Variants in CSMD1 observed in about 807,000 individuals in gnomAD.
CSMD1 encodes the protein CUB and sushi domain-containing protein 1.
In CSMD1, 213 loss-of-function variants were observed where a neutral mutation model predicts 417.5. That is an observed-to-expected ratio of 0.51 (90% CI 0.46 to 0.57). The LOEUF (loss-of-function observed/expected upper bound fraction) is 0.57, where lower values mean the gene tolerates loss of function less well. Among genes scored for constraint, CSMD1 ranks in the 20% least tolerant of loss-of-function variants. CSMD1 has a pLI of 0.00. For missense variants in CSMD1, 6,923 were observed against 4,529.7 expected, an observed-to-expected ratio of 1.53 and a Z score of -15.17; for synonymous variants, 2,862 against 1,736.8, an observed-to-expected ratio of 1.65 and a Z score of -16.11.
chr8:4,046,028 T>A (rs377065384), intron 3 of CSMD1, among the ~76,000 whole-genome samples: 1 of 152,142 alleles, frequency 6.6e-6, no homozygotes, highest in African/African-American at 2.4e-5. Context: ...AAATATAAAA[T>A]TTAGGACTCA....
At chr8:3,212,838 T>TA (rs1411090352) in intron 30 of CSMD1, among the ~76,000 whole-genome samples, 1 of 150,662 alleles carries the variant, frequency 6.6e-6, no homozygotes, top group African/African-American at 2.4e-5. Flanking sequence ...ATACTTTTTT[T>TA]TTTTTTTTGA....
intron 11 of CSMD1, among the ~76,000 whole-genome samples, chr8:3,470,429 A>T (rs182177514): frequency 1.3e-5 from 2 of 152,326 alleles, no homozygotes; most frequent in Admixed American, 6.5e-5. Flanking sequence ...TTATTTACCT[A>T]GTTTCCCCGA....
At position 2,998,020 on chromosome 8, in the gene CSMD1, T is replaced by A. The variant is rs751259990; in HGVS notation, c.8368A>T (p.Thr2790Ser). 9.9e-6 allele frequency: 16 copies of A among 1,613,736 alleles called. No individual in the cohort carries two copies. Among genetic ancestry groups the A allele is most frequent in the Non-Finnish European group, 1.4e-5 (16 of 1,179,748 alleles). The part of the protein sequence containing the change: ...SNGQWSSPLP[T>S]CRVVNCSDPG... The stretch of plus-strand genomic sequence containing the variant: ...TGGATGCTGTTCCTACCTCGACACG[T>A]GGGCAGAGGGCTACTCCACTGGCCG... Residue 2790 changes from threonine (T) to serine (S), a missense_variant, in exon 54 of 70, where the codon ACG becomes TCG. Transcript: ENST00000635120.
At chr8:3,308,018 A>T (rs1166920311) in intron 24 of CSMD1, among the ~76,000 whole-genome samples, 197 bp from the exon 25 acceptor site, 1 of 152,134 alleles carries the variant, frequency 6.6e-6, no homozygotes, top group Non-Finnish European at 1.5e-5. Context: ...CCTCCATGCA[A>T]TTAAAGTTGA....
At chr8:4,328,759 C>T (rs1799699878) in intron 3 of CSMD1, among the ~76,000 whole-genome samples, 1 of 152,126 alleles carries the variant, frequency 6.6e-6, no homozygotes, top group Non-Finnish European at 1.5e-5. Context: ...AAAGTTACAT[C>T]GTTTAAGTTA....
intron 10 of CSMD1, among the ~76,000 whole-genome samples, chr8:3,507,995 G>A (rs1044825214): frequency 1.4e-4 from 22 of 152,170 alleles, no homozygotes; most frequent in Admixed American, 2.0e-4. Context: ...TTGCTGTGCA[G>A]AGGCTCTTGA....
chr8:3,695,141 G>C lies in CSMD1; in HGVS notation c.1009+13273C>G, dbSNP rs369429064. 9.1e-4 allele frequency among the ~76,000 whole-genome samples: 133 copies of C among 145,564 alleles called. 1 individual carries two copies. Among genetic ancestry groups the C allele is most frequent in the African/African-American group, 3.3e-3 (129 of 39,438 alleles). On this transcript the variant is annotated intron_variant, in intron 7 of 69. Transcript: ENST00000635120. ...GGTTATTGAAGAAGTGTAGTACAAG[G>C]ATATTGCAGGAGCACAGGGGGACAT...
intron 23 of CSMD1, among the ~76,000 whole-genome samples, chr8:3,338,428 G>C (rs781531848): frequency 8.5e-5 from 13 of 152,286 alleles, no homozygotes; most frequent in Middle Eastern, 3.4e-3. Flanking sequence ...GTACAAGAAA[G>C]GGATAGACAG....
chr8:4,625,478 CTGAA>C (rs1802043399), intron 2 of CSMD1, among the ~76,000 whole-genome samples: 1 of 151,944 alleles, frequency 6.6e-6, no homozygotes, highest in Non-Finnish European at 1.5e-5. Flanking sequence ...CGTAAATACT[CTGAA>C]TGAATCCACC....
intron 1 of CSMD1, among the ~76,000 whole-genome samples, chr8:4,724,536 G>C (rs971498681): frequency 6.7e-6 from 1 of 149,666 alleles, no homozygotes; most frequent in African/African-American, 2.5e-5. Flanking sequence ...GTGTGTGTGT[G>C]TGTGTGTGTG....
intron 25 of CSMD1, among the ~76,000 whole-genome samples, chr8:3,294,221 C>T (rs1309652441): frequency 1.7e-5 from 2 of 120,380 alleles, no homozygotes; most frequent in Non-Finnish European, 3.9e-5. Flanking sequence ...TGTGAGGTGT[C>T]TGTTGGCCCC....
intron 50 of CSMD1, among the ~76,000 whole-genome samples, chr8:3,048,113 T>A (rs1196266730): frequency 6.6e-6 from 1 of 152,182 alleles, no homozygotes; most frequent in African/African-American, 2.4e-5. Context: ...AGCTGAATTA[T>A]TTTCAGGTAA....
chr8:4,417,307 G>A (rs567168453), intron 3 of CSMD1, among the ~76,000 whole-genome samples: 36 of 151,950 alleles, frequency 2.4e-4, no homozygotes, highest in African/African-American at 8.2e-4. Flanking sequence ...AGTTCCATGT[G>A]TGAATAATAG....
chr8:4,148,185 A>C (rs1367212547), intron 3 of CSMD1, among the ~76,000 whole-genome samples: 1 of 152,132 alleles, frequency 6.6e-6, no homozygotes, highest in African/African-American at 2.4e-5. Context: ...AGCTGGGACC[A>C]CTATAACTAA....
chr8:4,909,467 C>T (rs557094970), intron 1 of CSMD1, among the ~76,000 whole-genome samples: 2 of 152,278 alleles, frequency 1.3e-5, no homozygotes, highest in African/African-American at 4.8e-5. Flanking sequence ...AAGTAACACC[C>T]TTCCCTGATA....
chr8:3,874,764 G>A (rs1238898593), intron 5 of CSMD1, among the ~76,000 whole-genome samples: 2 of 152,072 alleles, frequency 1.3e-5, no homozygotes, highest in South Asian at 2.1e-4. Context: ...TGTCTGTGAC[G>A]GGGAAGGACA....
intron 3 of CSMD1, among the ~76,000 whole-genome samples, chr8:4,136,802 A>AG (rs1353834785): frequency 1.4e-4 from 21 of 152,326 alleles, no homozygotes; most frequent in Admixed American, 1.1e-3. Context: ...ATAATTTGTA[A>AG]GATTGTGAAG....
At chr8:3,151,544 G>A (rs781372013) in intron 39 of CSMD1, 31 bp from the exon 40 acceptor site, 19 of 1,390,194 alleles carry the variant, frequency 1.4e-5, no homozygotes, top group Non-Finnish European at 1.5e-5. Flanking sequence ...CAGTCCTGCA[G>A]GTCCTCACTT....
chr8:3,658,464 G>GTATATATATATATATATATA (rs113956125), intron 7 of CSMD1, among the ~76,000 whole-genome samples: 2 of 144,174 alleles, frequency 1.4e-5, no homozygotes, highest in Non-Finnish European at 3.0e-5. Context: ...TATATATATT[G>GTATATATATATATATATATA]TGTATATATA....
Sources: gnomAD v4.1 joint callset for allele counts (sites outside exome capture counted in the v4.1 genomes callset) on GRCh38, gnomAD v4.1.1 for gene constraint, MANE v1.5 for transcripts, NCBI Gene and HGNC (gene_info 2026-07-23, HGNC 2026-07-21) for gene names.